Variants in RPS6KC1 observed in about 807,000 individuals in gnomAD.
The protein encoded by RPS6KC1 is inactive ribosomal protein S6 kinase delta-1.
In RPS6KC1, 54 loss-of-function variants were observed where a neutral mutation model predicts 103.8. The ratio of observed to expected loss-of-function variants is 0.52; its 90% confidence interval spans 0.42 to 0.65. RPS6KC1 has a LOEUF of 0.65. RPS6KC1 is among the 30% of genes least tolerant of loss of function. RPS6KC1 has a pLI of 0.00. For missense variants in RPS6KC1, 1,151 were observed against 1,253.8 expected (o/e 0.92, Z 1.24); for synonymous variants, 439 against 438.7 (o/e 1.00, Z -0.01).
At chr1:213,475,215 T>C in the RPS6KC1 span, among the ~76,000 whole-genome samples, 39 of 152,330 alleles carry the variant, frequency 2.6e-4, no homozygotes, top group African/African-American at 8.2e-4. Flanking sequence ...CAGTGGTGTC[T>C]GACTTGGAGA....
intron 1 of RPS6KC1, among the ~76,000 whole-genome samples, chr1:213,054,947 T>G (rs1348410371): frequency 6.6e-6 from 1 of 152,196 alleles, no homozygotes; most frequent in Non-Finnish European, 1.5e-5. Context: ...TTTACAAAAT[T>G]CTCATATTGT....
At chr1:213,702,225 C>CATGG in the RPS6KC1 span, among the ~76,000 whole-genome samples, 1 of 151,724 alleles carries the variant, frequency 6.6e-6, no homozygotes, top group Non-Finnish European at 1.5e-5. Context: ...GTATAGTTTC[C>CATGG]AAAATTCCTC....
chr1:213,417,174 C>A, the RPS6KC1 span, among the ~76,000 whole-genome samples: 2 of 152,178 alleles, frequency 1.3e-5, no homozygotes, highest in Admixed American at 1.3e-4. Context: ...GCCTTTCTTT[C>A]ATTCGCCGGG....
the RPS6KC1 span, among the ~76,000 whole-genome samples, chr1:213,355,974 G>A: frequency 2.0e-5 from 3 of 152,154 alleles, no homozygotes; most frequent in Non-Finnish European, 2.9e-5. Context: ...GTTGTTATGA[G>A]GATTAAATGG....
At chr1:213,409,309 G>A in the RPS6KC1 span, among the ~76,000 whole-genome samples, 20 of 152,182 alleles carry the variant, frequency 1.3e-4, no homozygotes, top group Middle Eastern at 6.8e-3. Context: ...TGGGGATGCC[G>A]TGACAGACCA....
At chr1:213,481,279 C>T in the RPS6KC1 span, among the ~76,000 whole-genome samples, 342 of 152,190 alleles carry the variant, frequency 2.2e-3, 2 homozygotes, top group African/African-American at 7.9e-3. Flanking sequence ...TTTTAAATGT[C>T]CCATGAAAAG....
chr1:213,764,190 G>A, the RPS6KC1 span, among the ~76,000 whole-genome samples: 381 of 152,272 alleles, frequency 2.5e-3, 3 homozygotes, highest in African/African-American at 8.8e-3. Flanking sequence ...GAGAGTTGAC[G>A]GAAACACGCA....
the RPS6KC1 span, among the ~76,000 whole-genome samples, chr1:213,742,753 T>C: frequency 2.9e-4 from 44 of 152,378 alleles, no homozygotes; most frequent in African/African-American, 1.1e-3. Context: ...CCCTGGTTGC[T>C]GGAGACTGGA....
the RPS6KC1 span, among the ~76,000 whole-genome samples, chr1:213,495,471 G>A: frequency 3.4e-3 from 514 of 152,242 alleles, 6 homozygotes; most frequent in Non-Finnish European, 3.9e-3. Flanking sequence ...ACAGGTGCAT[G>A]CCACCATGGC....
the RPS6KC1 span, among the ~76,000 whole-genome samples, chr1:213,464,910 T>G: frequency 6.6e-6 from 1 of 152,100 alleles, no homozygotes; most frequent in Non-Finnish European, 1.5e-5. Flanking sequence ...TTCTCCCAGG[T>G]GCAGGGAATA....
the RPS6KC1 span, among the ~76,000 whole-genome samples, chr1:213,681,120 C>T: frequency 1.3e-5 from 2 of 152,136 alleles, no homozygotes; most frequent in Non-Finnish European, 2.9e-5. Flanking sequence ...TGTGGCTTCC[C>T]GCTCAGTAGC....
At chr1:213,466,602 C>T in the RPS6KC1 span, among the ~76,000 whole-genome samples, 1 of 152,196 alleles carries the variant, frequency 6.6e-6, no homozygotes, top group East Asian at 1.9e-4. Context: ...ATGTTTAATG[C>T]TTCATGCAGA....
chr1:213,763,717 T>C, the RPS6KC1 span, among the ~76,000 whole-genome samples: 1 of 152,174 alleles, frequency 6.6e-6, no homozygotes, highest in Non-Finnish European at 1.5e-5. Flanking sequence ...TCTTAGCGAG[T>C]TGAACTCTGC....
chr1:213,675,180 T>G, the RPS6KC1 span, among the ~76,000 whole-genome samples: 1,740 of 152,304 alleles, frequency 0.011, 34 homozygotes, highest in Middle Eastern at 0.044. Flanking sequence ...CAATATTTGG[T>G]TTTGTTGCAA....
the RPS6KC1 span, among the ~76,000 whole-genome samples, chr1:213,752,159 G>C: frequency 6.6e-6 from 1 of 152,092 alleles, no homozygotes; most frequent in South Asian, 2.1e-4. Context: ...TATTTTCAGA[G>C]AAAATACCCT....
chr1:213,695,958 T>C, the RPS6KC1 span, among the ~76,000 whole-genome samples: 1 of 152,250 alleles, frequency 6.6e-6, no homozygotes, highest in East Asian at 1.9e-4. Context: ...TATAATTTAT[T>C]GTAATCCTTA....
the RPS6KC1 span, among the ~76,000 whole-genome samples, chr1:213,845,116 ACCT>A: frequency 2.0e-5 from 3 of 152,082 alleles, no homozygotes; most frequent in Non-Finnish European, 2.9e-5. Context: ...CTTACAGTAA[ACCT>A]CTTTAACAAA....
chr1:213,384,179 G>A, the RPS6KC1 span, among the ~76,000 whole-genome samples: 2 of 152,074 alleles, frequency 1.3e-5, no homozygotes, highest in Non-Finnish European at 2.9e-5. Flanking sequence ...GGGAGGCTGA[G>A]GCAGGAGAAT....
chr1:213,293,792 C>T, the RPS6KC1 span, among the ~76,000 whole-genome samples: 2 of 152,080 alleles, frequency 1.3e-5, no homozygotes, highest in African/African-American at 4.8e-5. Flanking sequence ...TTTTAAAGAT[C>T]TTGGAAATCT....
Sources: gnomAD v4.1 joint callset for allele counts (sites outside exome capture counted in the v4.1 genomes callset) on GRCh38, gnomAD v4.1.1 for gene constraint, MANE v1.5 for transcripts, NCBI Gene and HGNC (gene_info 2026-07-23, HGNC 2026-07-21) for gene names.